CACNA2D3: variants seen among roughly 807,000 people sequenced by gnomAD.
The protein encoded by CACNA2D3 is calcium voltage-gated channel auxiliary subunit alpha2delta 3, also known as voltage-dependent calcium channel subunit alpha-2/delta-3.
CACNA2D3 carries 60 observed loss-of-function variants against 160.6 expected under a neutral mutation model. The observed-to-expected ratio is 0.37, with a 90% CI of 0.30 to 0.46. The LOEUF (loss-of-function observed/expected upper bound fraction) is 0.46, where lower values mean the gene tolerates loss of function less well. Ranked by LOEUF, CACNA2D3 falls within the 20% of genes least tolerant of loss-of-function variation. The pLI is 1.00. For synonymous variants in CACNA2D3, 558 were observed against 492.9 expected, an observed-to-expected ratio of 1.13 and a Z score of -1.75; for missense variants, 1,205 against 1,365.0, an observed-to-expected ratio of 0.88 and a Z score of 1.85.
chr3:54,476,109 C>T (rs1700826336), intron 4 of CACNA2D3, among the ~76,000 whole-genome samples: 1 of 146,998 alleles, frequency 6.8e-6, no homozygotes, highest in Non-Finnish European at 1.5e-5. Context: ...TCTTTCTGTG[C>T]CTGGCTTGTG....
intron 3 of CACNA2D3, among the ~76,000 whole-genome samples, chr3:54,378,321 AGTT>A (rs1699043768): frequency 6.6e-6 from 1 of 152,190 alleles, no homozygotes; most frequent in Admixed American, 6.5e-5. Context: ...TTGCATGCGC[AGTT>A]CACAATAGAG....
chr3:54,629,051 T>G (rs1210310662), intron 10 of CACNA2D3, among the ~76,000 whole-genome samples: 1 of 152,030 alleles, frequency 6.6e-6, no homozygotes, highest in Non-Finnish European at 1.5e-5. Flanking sequence ...CTTTGTATGA[T>G]CCTTGTCAAA....
chr3:55,051,970 A>G (rs530615613), intron 35 of CACNA2D3, among the ~76,000 whole-genome samples: 5 of 152,262 alleles, frequency 3.3e-5, no homozygotes, highest in Non-Finnish European at 2.9e-5. Flanking sequence ...CGCCTCGTGC[A>G]CGGTGCACAC....
chr3:54,146,681 G>A (rs948185926), intron 2 of CACNA2D3, among the ~76,000 whole-genome samples: 3 of 152,246 alleles, frequency 2.0e-5, no homozygotes, highest in Non-Finnish European at 2.9e-5. Context: ...AGCTACAAGG[G>A]AGTGTGGTCT....
chr3:54,748,009 A>G (rs1254127122), intron 11 of CACNA2D3, among the ~76,000 whole-genome samples: 1 of 152,208 alleles, frequency 6.6e-6, no homozygotes, highest in Non-Finnish European at 1.5e-5. Flanking sequence ...CCCTGAGGGC[A>G]GAATTTGTTT....
At chr3:54,428,182 A>G (rs1185927425) in intron 4 of CACNA2D3, among the ~76,000 whole-genome samples, 1 of 152,170 alleles carries the variant, frequency 6.6e-6, no homozygotes, top group Non-Finnish European at 1.5e-5. Context: ...AATCAATCTG[A>G]GCAACAATGT....
chr3:54,453,965 A>G (rs1700353517), intron 4 of CACNA2D3, among the ~76,000 whole-genome samples: 1 of 152,208 alleles, frequency 6.6e-6, no homozygotes, highest in Non-Finnish European at 1.5e-5. Flanking sequence ...AGCTGAAATC[A>G]TGGAAATTAG....
chr3:54,419,789 G>C (rs189120210), intron 4 of CACNA2D3, among the ~76,000 whole-genome samples: 1 of 152,196 alleles, frequency 6.6e-6, no homozygotes, highest in East Asian at 1.9e-4. Flanking sequence ...TTTATGAGAT[G>C]GAGTCTTGCT....
intron 11 of CACNA2D3, among the ~76,000 whole-genome samples, chr3:54,713,141 A>G (rs1700984559): frequency 6.6e-6 from 1 of 152,238 alleles, no homozygotes; most frequent in Non-Finnish European, 1.5e-5. Flanking sequence ...ATGTCTTATC[A>G]TTTAATGAGT....
At chr3:54,668,568 T>A (rs530977111) in intron 11 of CACNA2D3, among the ~76,000 whole-genome samples, 10 of 152,230 alleles carry the variant, frequency 6.6e-5, no homozygotes, top group Non-Finnish European at 1.2e-4. Context: ...CTTTTGGCAT[T>A]TGCTTTGTAT....
At chr3:54,636,369 G>A (rs60521313) in intron 10 of CACNA2D3, among the ~76,000 whole-genome samples, 15,421 of 151,972 alleles carry the variant, frequency 0.1, 2,719 homozygotes, top group African/African-American at 0.35. Context: ...TGGGAGGCCG[G>A]ATTGAAGTCC....
chr3:54,423,136 T>C (rs961608385), intron 4 of CACNA2D3, among the ~76,000 whole-genome samples: 4 of 152,184 alleles, frequency 2.6e-5, no homozygotes, highest in Admixed American at 1.3e-4. Context: ...AATAGCTAAA[T>C]ACGTCTATCA....
At chr3:54,833,426 A>G (rs1305421135) in intron 14 of CACNA2D3, among the ~76,000 whole-genome samples, 2 of 152,144 alleles carry the variant, frequency 1.3e-5, no homozygotes, top group Middle Eastern at 3.4e-3. Flanking sequence ...CTACGTCTGC[A>G]TTTTTCTTGG....
intron 13 of CACNA2D3, among the ~76,000 whole-genome samples, chr3:54,809,635 TTTCTTTCTTTCA>T (rs1023453848): frequency 2.6e-5 from 4 of 151,584 alleles, no homozygotes; most frequent in African/African-American, 9.7e-5. Flanking sequence ...TCTTTCTTTC[TTTCTTTCTTTCA>T]TTCTTTCTTC....
chr3:54,871,065 C>G (rs1310835576), intron 17 of CACNA2D3, among the ~76,000 whole-genome samples: 1 of 56,500 alleles, frequency 1.8e-5, no homozygotes, highest in African/African-American at 5.6e-5. Context: ...CACACACACA[C>G]ACACACACAC....
intron 11 of CACNA2D3, among the ~76,000 whole-genome samples, chr3:54,727,051 C>T (rs1701290533): frequency 6.6e-6 from 1 of 152,036 alleles, no homozygotes; most frequent in African/African-American, 2.4e-5. Flanking sequence ...CTACAAAGAA[C>T]TGAAATGTAT....
chr3:54,778,579 C>A (rs1036035313), intron 13 of CACNA2D3, among the ~76,000 whole-genome samples: 3 of 152,190 alleles, frequency 2.0e-5, no homozygotes, highest in Admixed American at 6.5e-5. Context: ...CCTAGAACTT[C>A]TTGTACTATT....
At chr3:54,141,086 T>TGTGTGTGTGTGTGTGTGTGTGC (rs61601297) in intron 2 of CACNA2D3, among the ~76,000 whole-genome samples, 3 of 119,800 alleles carry the variant, frequency 2.5e-5, no homozygotes, top group East Asian at 2.4e-4. Flanking sequence ...TGTGTGTGTG[T>TGTGTGTGTGTGTGTGTGTGTGC]GCGCGCGCGC....
chr3:54,250,789 C>T (rs143459335), intron 2 of CACNA2D3, among the ~76,000 whole-genome samples: 29 of 152,186 alleles, frequency 1.9e-4, no homozygotes, highest in African/African-American at 6.5e-4. Flanking sequence ...TCCTAGGGGG[C>T]TTACAGTCTA....
Sources: gnomAD v4.1 joint callset for allele counts (sites outside exome capture counted in the v4.1 genomes callset) on GRCh38, gnomAD v4.1.1 for gene constraint, MANE v1.5 for transcripts, NCBI Gene and HGNC (gene_info 2026-07-23, HGNC 2026-07-21) for gene names.